Variants in LTO1 observed in about 807,000 individuals in gnomAD.
The protein encoded by LTO1 is LTO1 maturation factor of ABCE1, also known as protein LTO1 homolog.
Under a neutral mutation model 19.8 loss-of-function variants are expected in LTO1, and 18 were observed. The ratio of observed to expected loss-of-function variants is 0.91; its 90% confidence interval spans 0.63 to 1.35. LTO1 has a LOEUF of 1.35. LTO1 is among the 40% of genes most tolerant of loss of function. LTO1 has a pLI of 0.00. For synonymous variants in LTO1, 59 were observed against 59.6 expected, an observed-to-expected ratio of 0.99 and a Z score of 0.05; for missense variants, 175 against 167.9, an observed-to-expected ratio of 1.04 and a Z score of -0.23.
chr11:69,667,438 C>A lies in LTO1; in HGVS notation c.*81G>T. Reference sequence around the variant, plus strand: ...CAATGAACAACTGCCTTCCCAGCACCGTCTGGCCCTTCACCGCATTTCTAA... The same window carrying A: ...CAATGAACAACTGCCTTCCCAGCACAGTCTGGCCCTTCACCGCATTTCTAA... On this transcript the variant is annotated 3_prime_UTR_variant, in exon 5 of 5. Coordinates refer to ENST00000279147, the MANE Select transcript of LTO1 (RefSeq NM_153451.3). 1.1e-6 allele frequency: 1 copy of A among 941,118 alleles called. No homozygotes were observed. 58.3% of individuals were successfully genotyped at this position (941,118 alleles called of 1,614,324 possible). A position where few individuals can be genotyped will look rare whatever the true frequency, so the allele number is the denominator to read the frequency against.
intron 3 of LTO1, among the ~76,000 whole-genome samples, chr11:69,670,359 A>G (rs556802545): frequency 1.2e-4 from 18 of 152,350 alleles, no homozygotes; most frequent in African/African-American, 3.4e-4. Flanking sequence ...CTCCAAGAAC[A>G]CACATCCTTT....
At position 69,665,695 on chromosome 11, in the gene LTO1, A is replaced by G. The variant is rs1290920834; in HGVS notation, c.*1824T>C. On this transcript the variant is annotated 3_prime_UTR_variant, in exon 5 of 5. Transcript: ENST00000279147. ...AGGCCCCTGATCCCACCATCTAGAA[A>G]GAACGAGAGTCTTTCTGGCCCGAAG... 1 of 152,242 alleles carries G rather than the reference A, an allele frequency of 6.6e-6. No individual in the cohort carries two copies. The highest frequency in any genetic ancestry group is 1.5e-5 in the Non-Finnish European group (1 of 68,034). The allele number at this position is 152,242 out of a possible 1,614,324, so 9.4% of individuals were successfully genotyped here.
rs1856139144 is a variant in LTO1 at position 69,673,316 on chromosome 11, T to A, written c.56A>T (p.His19Leu). ...ATAGCCTTCCCGATACCCTTCCCCA[T>A]GAAACCTGTGAAGAAGAAGCATGCT... is the stretch of plus-strand genomic sequence containing the variant. ...DAIVMADERF[H>L]GEGYREGYEE... Residue 19 changes from histidine (H) to leucine (L), a missense_variant, in exon 2 of 5, where the codon CAT (histidine) becomes CTT (leucine). Transcript: ENST00000279147. 4 of 1,591,420 alleles carry A rather than the reference T, an allele frequency of 2.5e-6. No individual in the cohort carries two copies. Among genetic ancestry groups the A allele is most frequent in the Non-Finnish European group, 2.6e-6 (3 of 1,159,494 alleles).
At chr11:69,675,049 C>A (rs538989492) in intron 1 of LTO1, 141 bp downstream of exon 1, 3 of 743,194 alleles carry the variant, frequency 4.0e-6, no homozygotes, top group Middle Eastern at 2.3e-4. Flanking sequence ...CTTGTCCCTG[C>A]GTCCACGGCC....
At chr11:69,673,060 C>T (rs1856132449) in intron 2 of LTO1, 156 bp downstream of exon 2, 1 of 690,252 alleles carries the variant, frequency 1.4e-6, no homozygotes, top group African/African-American at 1.8e-5. Context: ...ACCTCAGACT[C>T]CCAAAGTGCT....
intron 1 of LTO1, among the ~76,000 whole-genome samples, chr11:69,674,371 C>A (rs1211316925): frequency 6.6e-6 from 1 of 152,210 alleles, no homozygotes; most frequent in Non-Finnish European, 1.5e-5. Context: ...GTAGCACTGA[C>A]CCTGAGGCCC....
rs148956765 is a variant in LTO1 at position 69,673,095 on chromosome 11, G to A, written c.156+121C>T. On this transcript the variant is annotated intron_variant, in intron 2 of 4. Coordinates refer to ENST00000279147, the MANE Select transcript of LTO1 (RefSeq NM_153451.3). ...TGGGATTACAGGTGTGAGTCACCGC[G>A]CCCATCCGGCACTGTGATTTTAAAA... The A allele has an allele frequency of 8.8e-4, 655 of 743,036 alleles. 2 individuals are homozygous for A. The African/African-American group carries it at 0.01, about 11-fold the overall frequency. The allele number at this position is 743,036 out of a possible 1,614,324, so 46.0% of individuals were successfully genotyped here.
At position 69,667,138 on chromosome 11, in the gene LTO1, T is replaced by G; in HGVS notation, c.*381A>C. 5 of 186,670 alleles carry G rather than the reference T, an allele frequency of 2.7e-5. No homozygotes were observed. Among genetic ancestry groups the G allele is most frequent in the Non-Finnish European group, 2.2e-5 (2 of 91,446 alleles). The allele number at this position is 186,670 out of a possible 1,614,324, so 11.6% of individuals were successfully genotyped here. On this transcript the variant is annotated 3_prime_UTR_variant, in exon 5 of 5. Transcript: ENST00000279147. ...CATGAGCCTCATTCGGGGCCAACCA[T>G]CTCTCTCATTGCAAATAATAATAAT...
intron 3 of LTO1, chr11:69,671,481 G>A (rs1248698766): frequency 7.5e-6 from 3 of 398,936 alleles, no homozygotes; most frequent in East Asian, 4.2e-5. Context: ...GCCACATGGT[G>A]CACTAATGAC....
In LTO1 at chr11:69,667,303, C is replaced by A; in HGVS notation, c.*216G>T. On this transcript the variant is annotated 3_prime_UTR_variant, in exon 5 of 5. Coordinates refer to ENST00000279147, the MANE Select transcript of LTO1 (RefSeq NM_153451.3). ...GGGCTCTGCCAGGGACGGCTTCAGC[C>A]CAACAAAGGGCATGTGTGGCGAGGC... 1.7e-6 allele frequency: 1 copy of A among 580,344 alleles called. No homozygotes were observed. Among genetic ancestry groups the A allele is most frequent in the East Asian group, 2.9e-5 (1 of 34,694 alleles). The allele number at this position is 580,344 out of a possible 1,614,324, so 35.9% of individuals were successfully genotyped here. A position where few individuals can be genotyped will look rare whatever the true frequency, so the allele number is the denominator to read the frequency against.
rs761265993 is a variant in LTO1, at chr11:69,668,011, T to G, written c.229A>C (p.Arg77=). The G allele has an allele frequency of 2.8e-6, 4 of 1,433,162 alleles. No homozygotes were observed. The highest frequency in any genetic ancestry group is 2.8e-5 in the African/African-American group (2 of 71,590). The allele number at this position is 1,433,162 out of a possible 1,614,324, so 88.8% of individuals were successfully genotyped here. ...LHSCTTEKDS[R]KMKVLESLIG... ...AATGATTCTAAGACCTTCATCTTTC[T>G]GCTGTAAAGCACAGAAATACAGACT... The change falls in exon 4 of 5, where the codon AGA becomes CGA. Residue 77 remains arginine, a splice_region_variant and synonymous_variant. Coordinates refer to ENST00000279147, the MANE Select transcript of LTO1 (RefSeq NM_153451.3).
chr11:69,675,050 G>T (rs1291812355), intron 1 of LTO1, 140 bp downstream of exon 1: 1 of 753,452 alleles, frequency 1.3e-6, no homozygotes, highest in Admixed American at 2.2e-5. Flanking sequence ...TTGTCCCTGC[G>T]TCCACGGCCA....
In LTO1 at chr11:69,668,003, C is replaced by T. The variant is rs1414382928; in HGVS notation, c.237G>A (p.Met79Ile). The T allele has an allele frequency of 2.0e-6, 3 of 1,493,680 alleles. No homozygotes were observed. The highest frequency in any genetic ancestry group is 1.7e-4 in the Middle Eastern group (1 of 5,820). The allele number at this position is 1,493,680 out of a possible 1,614,324, so 92.5% of individuals were successfully genotyped here. The stretch of plus-strand genomic sequence containing the variant: ...TTCCAATCAATGATTCTAAGACCTT[C>T]ATCTTTCTGCTGTAAAGCACAGAAA... ...SCTTEKDSRKMKVLESLIGMI... is the reference protein window; with the variant it reads ...SCTTEKDSRKIKVLESLIGMI... Residue 79 changes from methionine (M) to isoleucine (I), a missense_variant, in exon 4 of 5, where the codon ATG becomes ATA. Met to Ile is a conservative substitution (Grantham distance 10). Transcript: ENST00000279147.
At chr11:69,667,785 G>A (rs143306047) in intron 4 of LTO1, 110 bp downstream of exon 4, 22 of 749,818 alleles carry the variant, frequency 2.9e-5, no homozygotes, top group Middle Eastern at 2.7e-4. Flanking sequence ...ACAGTTCCGC[G>A]GCGCACGCAG....
intron 1 of LTO1, among the ~76,000 whole-genome samples, chr11:69,674,223 G>C (rs1048154415): frequency 6.6e-6 from 1 of 152,168 alleles, no homozygotes; most frequent in Non-Finnish European, 1.5e-5. Flanking sequence ...AAAGTTCTGT[G>C]AGTGTTCAAG....
At chr11:69,674,946 A>C (rs1264012228) in intron 1 of LTO1, 1 of 690,158 alleles carries the variant, frequency 1.4e-6, no homozygotes. Flanking sequence ...TGTTTGGGGC[A>C]GCCCTGACAG....
chr11:69,673,269 C>T lies in LTO1; in HGVS notation c.103G>A (p.Val35Met). ...GTGCCATGCTGCCTTCCCTCCATCACACCCAAACTACTGCCTTCTTCATAG... is the reference window on the plus strand; with the variant it reads ...GTGCCATGCTGCCTTCCCTCCATCATACCCAAACTACTGCCTTCTTCATAG... ...EGYEEGSSLGVMEGRQHGTLH... is the reference protein window; with the variant it reads ...EGYEEGSSLGMMEGRQHGTLH... Residue 35 changes from valine (V) to methionine (M), a missense_variant, in exon 2 of 5, where the codon GTG becomes ATG. Val to Met is a conservative substitution (Grantham distance 21). Transcript: ENST00000279147. 1 of 1,613,928 alleles carries T rather than the reference C, an allele frequency of 6.2e-7. No individual in the cohort carries two copies. Among genetic ancestry groups the T allele is most frequent in the Non-Finnish European group, 8.5e-7 (1 of 1,179,774 alleles).
chr11:69,674,097 C>T (rs1166304334), intron 1 of LTO1, among the ~76,000 whole-genome samples: 1 of 152,162 alleles, frequency 6.6e-6, no homozygotes, highest in Non-Finnish European at 1.5e-5. Flanking sequence ...TCGTGATCCG[C>T]CCGCCTCGGC....
rs1226233050 is a variant in LTO1 at position 69,671,763 on chromosome 11, G to C, written c.213C>G (p.Thr71=). The C allele has an allele frequency of 6.3e-7, 1 of 1,591,922 alleles. No homozygotes were observed. The highest frequency in any genetic ancestry group is 1.7e-5 in the Admixed American group (1 of 59,990). Reference sequence around the variant, plus strand: ...TCCACCTTTACCTGTCCTTCTCAGTGGTGCAACTGTGCAGTAGACATTTCC... The same window carrying C: ...TCCACCTTTACCTGTCCTTCTCAGTCGTGCAACTGTGCAGTAGACATTTCC... ...FAWKCLLHSC[T]TEKDSRKMKV... The change falls in exon 3 of 5, where the codon ACC becomes ACG. Residue 71 remains threonine, a synonymous_variant. Coordinates refer to ENST00000279147, the MANE Select transcript of LTO1 (RefSeq NM_153451.3).
Sources: gnomAD v4.1 joint callset for allele counts (sites outside exome capture counted in the v4.1 genomes callset) on GRCh38, gnomAD v4.1.1 for gene constraint, MANE v1.5 for transcripts, NCBI Gene and HGNC (gene_info 2026-07-23, HGNC 2026-07-21) for gene names.